Variants in GPAT4 observed in about 807,000 individuals in gnomAD.
GPAT4 encodes 1-AGP acyltransferase 6.
GPAT4 carries 17 observed loss-of-function variants against 58.0 expected under a neutral mutation model. That is an observed-to-expected ratio of 0.29 (90% CI 0.20 to 0.44). The LOEUF (loss-of-function observed/expected upper bound fraction) is 0.44, where lower values mean the gene tolerates loss of function less well. GPAT4 is among the 20% of genes least tolerant of loss of function. The pLI, the probability that GPAT4 is intolerant of heterozygous loss-of-function variation, is 1.00. For synonymous variants in GPAT4, 204 were observed against 210.1 expected (o/e 0.97, Z 0.25); for missense variants, 377 against 574.5 (o/e 0.66, Z 3.51).
At chr8:41,585,320 A>G (rs915756341) in intron 1 of GPAT4, among the ~76,000 whole-genome samples, 3 of 152,178 alleles carry the variant, frequency 2.0e-5, no homozygotes, top group African/African-American at 7.2e-5. Flanking sequence ...CCTGGGAAGC[A>G]AGAAGTGCAC....
intron 10 of GPAT4, chr8:41,618,382 T>A (rs1363355418): frequency 5.1e-6 from 2 of 394,758 alleles, no homozygotes; most frequent in African/African-American, 4.0e-5. Flanking sequence ...TTTGAAAACT[T>A]TATATACCTA....
chr8:41,619,871 C>T (rs1427887855), intron 12 of GPAT4, among the ~76,000 whole-genome samples: 1 of 152,202 alleles, frequency 6.6e-6, no homozygotes, highest in East Asian at 1.9e-4. Flanking sequence ...TGTGCACTCA[C>T]TGTGTGCCAG....
At chr8:41,608,798 A>C (rs1302369845) in intron 2 of GPAT4, among the ~76,000 whole-genome samples, 1 of 143,400 alleles carries the variant, frequency 7.0e-6, no homozygotes, top group Non-Finnish European at 1.5e-5. Flanking sequence ...TAGTGAATGT[A>C]AACTTGGGAA....
chr8:41,588,863 T>C (rs966512363), intron 1 of GPAT4, among the ~76,000 whole-genome samples: 1 of 152,210 alleles, frequency 6.6e-6, no homozygotes, highest in African/African-American at 2.4e-5. Flanking sequence ...CCTAAAAGAC[T>C]CAGAACTAGC....
chr8:41,585,229 A>G (rs977728489), intron 1 of GPAT4, among the ~76,000 whole-genome samples: 6 of 152,158 alleles, frequency 3.9e-5, no homozygotes, highest in East Asian at 1.9e-4. Flanking sequence ...TGGTGGGCCT[A>G]TGTATGTTCT....
Position 41,610,766 on chromosome 8 carries a change from T to G in GPAT4, c.567T>G (p.Leu189=). 6.2e-7 allele frequency: 1 copy of G among 1,612,170 alleles called. No individual in the cohort carries two copies. The highest frequency in any genetic ancestry group is 1.7e-4 in the Middle Eastern group (1 of 6,052). ...RIALAFTGIS[L]LVVGTTVVGY... ...CACTGGCTTTCACAGGGATTAGCCT[T>G]CTGGTGGTGGGCACAACTGTGGTGG... The change falls in exon 5 of 13, where the codon CTT becomes CTG. Residue 189 remains leucine, a synonymous_variant. Coordinates refer to ENST00000396987, the MANE Select transcript of GPAT4 (RefSeq NM_178819.4).
At chr8:41,593,762 A>G (rs1015121551) in intron 1 of GPAT4, among the ~76,000 whole-genome samples, 1 of 152,246 alleles carries the variant, frequency 6.6e-6, no homozygotes, top group African/African-American at 2.4e-5. Flanking sequence ...GGGGTGGTAC[A>G]TGTGCTAAAA....
chr8:41,579,573 C>G (rs1802455716), intron 1 of GPAT4, among the ~76,000 whole-genome samples: 1 of 150,226 alleles, frequency 6.7e-6, no homozygotes, highest in African/African-American at 2.4e-5. Context: ...CGTGGTGACT[C>G]ACGCCGGTAA....
intron 2 of GPAT4, among the ~76,000 whole-genome samples, chr8:41,608,704 G>A (rs965577070): frequency 6.6e-6 from 1 of 152,198 alleles, no homozygotes; most frequent in African/African-American, 2.4e-5. Context: ...CGTGAAGTAG[G>A]AGTTTGAGGT....
intron 6 of GPAT4, 37 bp from the exon 7 acceptor site, chr8:41,612,143 A>C (rs766414290): frequency 6.2e-7 from 1 of 1,608,958 alleles, no homozygotes; most frequent in Non-Finnish European, 8.5e-7. Flanking sequence ...ACTGTTTCAC[A>C]CTAATTTTGG....
At chr8:41,607,788 C>A (rs1803323838) in intron 2 of GPAT4, among the ~76,000 whole-genome samples, 1 of 152,168 alleles carries the variant, frequency 6.6e-6, no homozygotes. Flanking sequence ...CTTGGCCTCC[C>A]AAAGTGCTGG....
intron 1 of GPAT4, among the ~76,000 whole-genome samples, chr8:41,589,402 G>T (rs919768037): frequency 3.9e-5 from 6 of 151,968 alleles, no homozygotes; most frequent in African/African-American, 1.2e-4. Flanking sequence ...GGGAGAGCCA[G>T]CAGGGGGCCT....
At chr8:41,609,997 C>T (rs764815417) in intron 4 of GPAT4, 42 bp downstream of exon 4, 2 of 1,559,624 alleles carry the variant, frequency 1.3e-6, no homozygotes, top group South Asian at 2.5e-5. Flanking sequence ...TGCTGCCACC[C>T]CACGTGGTGC....
intron 2 of GPAT4, among the ~76,000 whole-genome samples, chr8:41,604,484 G>A (rs912860858): frequency 6.6e-6 from 1 of 152,198 alleles, no homozygotes; most frequent in Non-Finnish European, 1.5e-5. Flanking sequence ...GACTGGAAGG[G>A]TTTTAGTGTT....
chr8:41,597,003 A>T (rs535356120), intron 1 of GPAT4, among the ~76,000 whole-genome samples: 3 of 152,262 alleles, frequency 2.0e-5, no homozygotes, highest in Non-Finnish European at 1.5e-5. Context: ...ATCAGAATGG[A>T]ACAGAACAGG....
At chr8:41,602,593 A>T (rs1803134663) in intron 2 of GPAT4, among the ~76,000 whole-genome samples, 1 of 152,182 alleles carries the variant, frequency 6.6e-6, no homozygotes, top group African/African-American at 2.4e-5. Context: ...CAGTGGTCAC[A>T]TAGGTACAGC....
At chr8:41,589,906 G>A (rs1409899222) in intron 1 of GPAT4, among the ~76,000 whole-genome samples, 3 of 152,202 alleles carry the variant, frequency 2.0e-5, no homozygotes, top group Non-Finnish European at 4.4e-5. Flanking sequence ...GTGGAGGAAA[G>A]GAGATGTTGC....
chr8:41,594,768 A>G (rs1283318121), intron 1 of GPAT4, among the ~76,000 whole-genome samples: 2 of 152,054 alleles, frequency 1.3e-5, no homozygotes, highest in Non-Finnish European at 2.9e-5. Flanking sequence ...GATGGTCTCC[A>G]TCTCCTGACC....
chr8:41,588,225 A>G (rs1246189797), intron 1 of GPAT4, among the ~76,000 whole-genome samples: 1 of 152,206 alleles, frequency 6.6e-6, no homozygotes, highest in Non-Finnish European at 1.5e-5. Flanking sequence ...TTCTTTTGTG[A>G]TCTAAGCATG....
Sources: gnomAD v4.1 joint callset for allele counts (sites outside exome capture counted in the v4.1 genomes callset) on GRCh38, gnomAD v4.1.1 for gene constraint, MANE v1.5 for transcripts, NCBI Gene and HGNC (gene_info 2026-07-23, HGNC 2026-07-21) for gene names.